Variants in CFAP61 observed in about 807,000 individuals in gnomAD.
CFAP61 encodes the protein cilia and flagella associated protein 61, also known as cilia- and flagella-associated protein 61.
Under a neutral mutation model 135.6 loss-of-function variants are expected in CFAP61, and 107 were observed. The ratio of observed to expected loss-of-function variants is 0.79; its 90% confidence interval spans 0.67 to 0.93. The LOEUF (loss-of-function observed/expected upper bound fraction) is 0.93, where lower values mean the gene tolerates loss of function less well. CFAP61 is among the 40% of genes least tolerant of loss of function. The pLI, the probability that CFAP61 is intolerant of heterozygous loss-of-function variation, is 0.00. For synonymous variants in CFAP61, 575 were observed against 578.5 expected (o/e 0.99, Z 0.09); for missense variants, 1,507 against 1,556.2 (o/e 0.97, Z 0.53).
At chr20:20,324,314 C>T (rs534107273) in intron 25 of CFAP61, among the ~76,000 whole-genome samples, 1 of 152,310 alleles carries the variant, frequency 6.6e-6, no homozygotes, top group African/African-American at 2.4e-5. Flanking sequence ...CTGGCCAACA[C>T]TGACCGCAGT....
intron 9 of CFAP61, among the ~76,000 whole-genome samples, chr20:20,154,347 C>T (rs1445470933): frequency 6.6e-6 from 1 of 152,018 alleles, no homozygotes; most frequent in Admixed American, 6.6e-5. Flanking sequence ...TACTTAATGT[C>T]CTAGCCAGAG....
chr20:20,179,799 C>T (rs1274684556), intron 13 of CFAP61, among the ~76,000 whole-genome samples: 1 of 152,160 alleles, frequency 6.6e-6, no homozygotes, highest in Non-Finnish European at 1.5e-5. Flanking sequence ...TTCAATAAAT[C>T]GTGCTGGGAT....
rs2053453485 is a variant in CFAP61, at chr20:20,162,136, C to T, written c.1027-1914C>T. On this transcript the variant is annotated intron_variant, in intron 10 of 26. Coordinates refer to ENST00000245957, the MANE Select transcript of CFAP61 (RefSeq NM_015585.4). ...GCATTCCATGCCCTGTGTCCCCTTCCTCCATCTTCAGAGCTGGCAGCGCAG... is the reference window on the plus strand; with the variant it reads ...GCATTCCATGCCCTGTGTCCCCTTCTTCCATCTTCAGAGCTGGCAGCGCAG... 3.9e-5 allele frequency among the ~76,000 whole-genome samples: 6 copies of T among 152,158 alleles called. No homozygotes were observed. In the South Asian group the frequency reaches 1.2e-3, roughly 32 times the overall value.
intron 17 of CFAP61, among the ~76,000 whole-genome samples, chr20:20,201,449 G>A (rs2056616620): frequency 6.6e-6 from 1 of 152,260 alleles, no homozygotes; most frequent in Non-Finnish European, 1.5e-5. Context: ...TTATCTGAAG[G>A]TCACAGGCAT....
intron 25 of CFAP61, among the ~76,000 whole-genome samples, chr20:20,325,196 C>A (rs6046795): frequency 0.49 from 74,985 of 152,028 alleles, 18,760 homozygotes; most frequent in African/African-American, 0.56. Context: ...TTAGTGTGGT[C>A]TATTTGATAC....
intron 22 of CFAP61, among the ~76,000 whole-genome samples, chr20:20,287,108 A>G (rs1346365537): frequency 1.3e-5 from 2 of 152,198 alleles, no homozygotes; most frequent in African/African-American, 4.8e-5. Context: ...AAAGGAGTGT[A>G]GGGAGACAGA....
intron 18 of CFAP61, among the ~76,000 whole-genome samples, chr20:20,242,078 G>A (rs1038849032): frequency 2.0e-5 from 3 of 152,152 alleles, no homozygotes; most frequent in Non-Finnish European, 2.9e-5. Flanking sequence ...TGAGTTTATT[G>A]CATTTCTGGC....
intron 6 of CFAP61, among the ~76,000 whole-genome samples, chr20:20,078,415 T>C (rs914176254): frequency 2.0e-5 from 3 of 151,596 alleles, no homozygotes; most frequent in African/African-American, 7.3e-5. Context: ...GATGGAGGAG[T>C]TGAGGGATGA....
chr20:20,307,055 T>G (rs2056518998), intron 25 of CFAP61, among the ~76,000 whole-genome samples: 1 of 152,190 alleles, frequency 6.6e-6, no homozygotes, highest in Non-Finnish European at 1.5e-5. Flanking sequence ...CACCTCTCAG[T>G]TATCCATAGC....
intron 7 of CFAP61, chr20:20,095,630 G>T (rs2047510017): frequency 6.6e-6 from 1 of 152,494 alleles, no homozygotes; most frequent in South Asian, 2.1e-4. Context: ...TTAGGGAAGG[G>T]TAGTTGGAGG....
chr20:20,108,970 G>T (rs1433201402), intron 8 of CFAP61, among the ~76,000 whole-genome samples: 1 of 152,206 alleles, frequency 6.6e-6, no homozygotes, highest in Non-Finnish European at 1.5e-5. Flanking sequence ...TCCAGTCCAG[G>T]ATAACAAACT....
At chr20:20,254,757 C>A (rs1448583798) in intron 20 of CFAP61, among the ~76,000 whole-genome samples, 1 of 152,178 alleles carries the variant, frequency 6.6e-6, no homozygotes, top group Non-Finnish European at 1.5e-5. Flanking sequence ...AGCAAGAAGA[C>A]AACCCTCTAT....
At chr20:20,323,448 CAT>C (rs879698567) in intron 25 of CFAP61, 4 of 298,740 alleles carry the variant, frequency 1.3e-5, no homozygotes, top group Admixed American at 6.5e-5. Context: ...CAAGAGTTAA[CAT>C]ATGATTGCTG....
At chr20:20,067,644 A>AT (rs2045371317) in intron 2 of CFAP61, among the ~76,000 whole-genome samples, 1 of 129,882 alleles carries the variant, frequency 7.7e-6, no homozygotes. Flanking sequence ...TCCATCTCAA[A>AT]ATATATATAT....
intron 13 of CFAP61, among the ~76,000 whole-genome samples, chr20:20,174,414 A>G (rs550832458): frequency 6.6e-6 from 1 of 152,374 alleles, no homozygotes; most frequent in Non-Finnish European, 1.5e-5. Flanking sequence ...CCACATGCTT[A>G]TCACCATTAG....
At chr20:20,259,058 T>C (rs2051920816) in intron 20 of CFAP61, among the ~76,000 whole-genome samples, 1 of 152,168 alleles carries the variant, frequency 6.6e-6, no homozygotes, top group Non-Finnish European at 1.5e-5. Context: ...GGCTTATACT[T>C]GATGGCTTTT....
intron 21 of CFAP61, among the ~76,000 whole-genome samples, chr20:20,273,061 T>A (rs977680052): frequency 6.7e-6 from 1 of 149,810 alleles, no homozygotes; most frequent in African/African-American, 2.5e-5. Context: ...TTTTTTTTTT[T>A]GTAGAGACAG....
chr20:20,320,134 A>AG (rs1282779222), intron 25 of CFAP61, among the ~76,000 whole-genome samples: 1 of 151,334 alleles, frequency 6.6e-6, no homozygotes, highest in African/African-American at 2.4e-5. Flanking sequence ...CTTGCAATGG[A>AG]GGGGGGCCTA....
At chr20:20,358,188 A>G (rs2059341315) in intron 26 of CFAP61, among the ~76,000 whole-genome samples, 1 of 132,744 alleles carries the variant, frequency 7.5e-6, no homozygotes, top group Non-Finnish European at 1.6e-5. Context: ...GGAAGTGGTC[A>G]CACTGAGGGG....
Sources: allele counts gnomAD v4.1 joint callset (sites outside exome capture counted in the v4.1 genomes callset), GRCh38; gene constraint gnomAD v4.1.1; transcripts MANE v1.5; gene names NCBI Gene and HGNC (gene_info 2026-07-23, HGNC 2026-07-21).